The following TAS2R1 variants were observed in gnomAD, a reference collection of about 807,000 sequenced individuals.
TAS2R1 encodes the protein taste 2 receptor member 1.
For synonymous variants in TAS2R1, 141 were observed against 134.2 expected, an observed-to-expected ratio of 1.05 and a Z score of -0.35; for missense variants, 370 against 353.4, an observed-to-expected ratio of 1.05 and a Z score of -0.38.
At chr5:9,829,822 C>T in the TAS2R1 span, among the ~76,000 whole-genome samples, 1 of 151,902 alleles carries the variant, frequency 6.6e-6, no homozygotes, top group Non-Finnish European at 1.5e-5. Context: ...GCTAAAACCA[C>T]AGGCAGTGTA....
At chr5:9,729,337 G>A in the TAS2R1 span, among the ~76,000 whole-genome samples, 2 of 152,204 alleles carry the variant, frequency 1.3e-5, no homozygotes, top group African/African-American at 4.8e-5. Flanking sequence ...GGTCAGGCTG[G>A]TGGGCAAGTT....
At chr5:9,660,158 A>G (rs577346725) in intron 1 of TAS2R1, among the ~76,000 whole-genome samples, 2 of 143,638 alleles carry the variant, frequency 1.4e-5, no homozygotes, top group South Asian at 2.2e-4. Flanking sequence ...TCCTGGGTTC[A>G]TGCCATTCTC....
intron 1 of TAS2R1, among the ~76,000 whole-genome samples, chr5:9,701,766 C>T (rs1741489141): frequency 6.6e-6 from 1 of 152,154 alleles, no homozygotes; most frequent in South Asian, 2.1e-4. Context: ...TATAAGATAA[C>T]TAAACTTTTC....
At chr5:9,709,011 G>C (rs1158651836) in intron 1 of TAS2R1, among the ~76,000 whole-genome samples, 1 of 152,088 alleles carries the variant, frequency 6.6e-6, no homozygotes, top group Non-Finnish European at 1.5e-5. Context: ...GGAAGTGAGA[G>C]TGCCTTTATC....
At chr5:9,839,841 T>A in the TAS2R1 span, among the ~76,000 whole-genome samples, 1 of 152,312 alleles carries the variant, frequency 6.6e-6, no homozygotes, top group Non-Finnish European at 1.5e-5. Flanking sequence ...GCCTTCCATA[T>A]TTAACTATTC....
the TAS2R1 span, among the ~76,000 whole-genome samples, chr5:9,808,648 G>A: frequency 6.6e-6 from 1 of 152,118 alleles, no homozygotes; most frequent in Non-Finnish European, 1.5e-5. Flanking sequence ...TTGACAAGTA[G>A]TATGAAAAGA....
chr5:9,761,154 T>C, the TAS2R1 span: 1 of 152,238 alleles, frequency 6.6e-6, no homozygotes, highest in Non-Finnish European at 1.5e-5. Flanking sequence ...GGTTGCTCTT[T>C]CATTGTGGAA....
the TAS2R1 span, among the ~76,000 whole-genome samples, chr5:9,823,016 C>A: frequency 1.3e-5 from 1 of 79,774 alleles, no homozygotes; most frequent in Non-Finnish European, 2.6e-5. Context: ...TCTTCCTCTC[C>A]ACCAAAAAAA....
the TAS2R1 span, among the ~76,000 whole-genome samples, chr5:9,757,318 C>T: frequency 2.6e-5 from 4 of 152,114 alleles, no homozygotes; most frequent in Admixed American, 2.6e-4. Context: ...AAGGCATATG[C>T]CCACCTGCCT....
At chr5:9,816,183 A>G in the TAS2R1 span, among the ~76,000 whole-genome samples, 1 of 152,142 alleles carries the variant, frequency 6.6e-6, no homozygotes, top group African/African-American at 2.4e-5. Context: ...ATCAACTGTC[A>G]GCTATACACT....
intron 2 of TAS2R1, among the ~76,000 whole-genome samples, chr5:9,651,711 T>C (rs1375924482): frequency 4.0e-5 from 4 of 100,496 alleles, no homozygotes; most frequent in Non-Finnish European, 6.7e-5. Flanking sequence ...TTGAGCATCC[T>C]TGGTGAGGGT....
At chr5:9,649,679 A>C (rs1740264287) in intron 2 of TAS2R1, among the ~76,000 whole-genome samples, 1 of 152,194 alleles carries the variant, frequency 6.6e-6, no homozygotes, top group Non-Finnish European at 1.5e-5. Context: ...GACCATGCAA[A>C]AATGCATTAA....
the TAS2R1 span, among the ~76,000 whole-genome samples, chr5:9,799,309 C>T: frequency 1.3e-5 from 2 of 152,222 alleles, no homozygotes; most frequent in Non-Finnish European, 2.9e-5. Flanking sequence ...AACTAAGTAT[C>T]AGTGACAATT....
At chr5:9,721,033 C>T in the TAS2R1 span, among the ~76,000 whole-genome samples, 3 of 152,214 alleles carry the variant, frequency 2.0e-5, no homozygotes, top group South Asian at 4.1e-4. Flanking sequence ...TAGCTAAGAA[C>T]TGCGAGACGC....
the TAS2R1 span, among the ~76,000 whole-genome samples, chr5:9,825,002 A>G: frequency 2.6e-5 from 4 of 152,320 alleles, no homozygotes; most frequent in Admixed American, 2.6e-4. Context: ...CCCCAACCCA[A>G]CAGAAAACTG....
the TAS2R1 span, among the ~76,000 whole-genome samples, chr5:9,765,054 T>C: frequency 6.6e-6 from 1 of 152,070 alleles, no homozygotes; most frequent in East Asian, 1.9e-4. Context: ...TACGTTAAAA[T>C]CACACATATA....
the TAS2R1 span, among the ~76,000 whole-genome samples, chr5:9,817,869 G>A: frequency 2.0e-5 from 3 of 151,266 alleles, no homozygotes; most frequent in East Asian, 2.0e-4. Flanking sequence ...GCAGGAGAGC[G>A]AGAGGGAGAG....
the TAS2R1 span, among the ~76,000 whole-genome samples, chr5:9,802,678 G>A: frequency 2.5e-4 from 38 of 152,198 alleles, no homozygotes; most frequent in South Asian, 1.7e-3. Flanking sequence ...CAAGGCAGGC[G>A]GATCACAAGA....
At chr5:9,901,981 C>T in the TAS2R1 span, among the ~76,000 whole-genome samples, 4 of 152,180 alleles carry the variant, frequency 2.6e-5, 1 homozygote, top group South Asian at 6.3e-4. Flanking sequence ...GTAGTGGACT[C>T]GCTGGACTGC....
Sources: gnomAD v4.1 joint callset for allele counts (sites outside exome capture counted in the v4.1 genomes callset) on GRCh38, gnomAD v4.1.1 for gene constraint, MANE v1.5 for transcripts, NCBI Gene and HGNC (gene_info 2026-07-23, HGNC 2026-07-21) for gene names.